Variants in MRPL43 observed in about 807,000 individuals in gnomAD.
The protein encoded by MRPL43 is mitochondrial ribosomal protein L43, also known as large ribosomal subunit protein mL43.
A neutral mutation model predicts 12.7 loss-of-function variants in MRPL43; 9 were observed. That is an observed-to-expected ratio of 0.71 (90% CI 0.43 to 1.24). MRPL43 has a LOEUF of 1.24. MRPL43 is among the 50% of genes most tolerant of loss of function. The pLI is 0.00. For synonymous variants in MRPL43, 116 were observed against 96.4 expected (o/e 1.20, Z -1.19); for missense variants, 211 against 229.2 (o/e 0.92, Z 0.51).
downstream of MRPL43, chr10:100,978,386 T>C: frequency 3.7e-6 from 6 of 1,612,754 alleles, no homozygotes; most frequent in East Asian, 2.2e-5. Context: ...GGCCTCATCA[T>C]TGGTGAGCAG....
downstream of MRPL43, chr10:100,981,644 C>A (rs1851081556): frequency 1.4e-6 from 2 of 1,395,854 alleles, no homozygotes. Context: ...ATGTCATCTA[C>A]TGTCACAGCA....
At chr10:100,978,328 G>C, downstream of MRPL43, 2 of 1,613,662 alleles carry the variant, frequency 1.2e-6, no homozygotes, top group Non-Finnish European at 1.7e-6. Context: ...AACCAGCTTC[G>C]AGGAGGGGAA....
At chr10:100,979,933 G>A, downstream of MRPL43, 2 of 1,614,156 alleles carry the variant, frequency 1.2e-6, no homozygotes, top group Non-Finnish European at 1.7e-6. Flanking sequence ...GGAATACCAG[G>A]ATGGTTCCCG....
chr10:100,982,563 G>A (rs530307196), downstream of MRPL43, among the ~76,000 whole-genome samples: 2 of 152,320 alleles, frequency 1.3e-5, no homozygotes, highest in South Asian at 2.1e-4. Context: ...AGGCCAAGGC[G>A]AGTGGATCAC....
downstream of MRPL43, among the ~76,000 whole-genome samples, chr10:100,981,815 C>T (rs1482970392): frequency 6.6e-6 from 1 of 152,040 alleles, no homozygotes; most frequent in South Asian, 2.1e-4. Flanking sequence ...CCCAGCACTT[C>T]GGGAGGCTGA....
chr10:100,978,779 G>A, downstream of MRPL43: 3 of 1,579,764 alleles, frequency 1.9e-6, no homozygotes, highest in Non-Finnish European at 1.7e-6. Flanking sequence ...CAAGTGAGGG[G>A]TCAGCCTCAG....
At chr10:100,978,890 G>C (rs759573797), downstream of MRPL43, 1 of 1,614,202 alleles carries the variant, frequency 6.2e-7, no homozygotes, top group Non-Finnish European at 8.5e-7. Context: ...GGAGAGCAAG[G>C]CCAGTGCAGT....
In MRPL43 at chr10:100,986,803, C is replaced by G. The variant is rs1205221524; in HGVS notation, c.411G>C (p.Pro137=). 6.2e-7 allele frequency: 1 copy of G among 1,613,852 alleles called. No homozygotes were observed. The part of the protein sequence containing the change: ...QGQWHPFTNK[P]TTFRGLRPRE... ...GGGGGCGTAGCCCGCGGAACGTGGT[C>G]GGCTTGTTGGTGAAGGGGTGCCACT... The change falls in exon 3 of 3, where the codon CCG becomes CCC. Residue 137 remains proline (P), a synonymous_variant. Transcript: ENST00000318364.
chr10:100,981,439 G>A (rs1192183285), downstream of MRPL43: 3 of 1,613,992 alleles, frequency 1.9e-6, no homozygotes, highest in Admixed American at 1.7e-5. Context: ...TTTAAGATGT[G>A]AAGTGTCTTG....
chr10:100,984,466 C>T (rs767847442), downstream of MRPL43: 11 of 1,527,328 alleles, frequency 7.2e-6, no homozygotes, highest in South Asian at 1.3e-4. Context: ...ATTCATCTGC[C>T]CAAACCCTTT....
At position 100,986,280 on chromosome 10, in the gene MRPL43, C is replaced by G; in HGVS notation, c.*454G>C. 7.3e-7 allele frequency: 1 copy of G among 1,365,528 alleles called. No homozygotes were observed. The highest frequency in any genetic ancestry group is 3.5e-5 in the Admixed American group (1 of 28,534). The allele number at this position is 1,365,528 out of a possible 1,614,324, so 84.6% of individuals were successfully genotyped here. A position where few individuals can be genotyped will look rare whatever the true frequency, so the allele number is the denominator to read the frequency against. On this transcript the variant is annotated 3_prime_UTR_variant, in exon 3 of 3. Transcript: ENST00000318364. ...TTTGAAGACAGACCTGAAATGTGAC[C>G]TTGGATAAGTTTATTAACCTGTTTT...
downstream of MRPL43, chr10:100,980,117 G>A (rs769312863): frequency 8.1e-6 from 13 of 1,613,978 alleles, no homozygotes; most frequent in East Asian, 1.1e-4. Context: ...CGTCCCCCAC[G>A]CCAGTGTATC....
At chr10:100,980,745 A>G (rs1268992149), downstream of MRPL43, 1 of 1,605,696 alleles carries the variant, frequency 6.2e-7, no homozygotes, top group South Asian at 1.1e-5. Context: ...AGGAAGAGGG[A>G]GTGGGGAGGT....
chr10:100,983,823 G>A (rs774176474), downstream of MRPL43: 6 of 1,600,664 alleles, frequency 3.7e-6, no homozygotes, highest in South Asian at 3.4e-5. Context: ...GTGTCCTGGA[G>A]AGGAAGATGA....
downstream of MRPL43, chr10:100,984,185 G>T: frequency 6.5e-7 from 1 of 1,546,848 alleles, no homozygotes. Context: ...GTCCCAGGCT[G>T]GGCCACTGCC....
downstream of MRPL43, chr10:100,984,955 A>C: frequency 7.1e-7 from 1 of 1,415,248 alleles, no homozygotes. Context: ...CCTGTATCAC[A>C]CATGTGCTTA....
downstream of MRPL43, chr10:100,979,283 G>T (rs368653189): frequency 6.2e-7 from 1 of 1,614,072 alleles, no homozygotes; most frequent in African/African-American, 1.3e-5. Flanking sequence ...TCAGTGCAGG[G>T]ACAATCGGGA....
chr10:100,978,340 G>A (rs752480989), downstream of MRPL43: 7 of 1,613,740 alleles, frequency 4.3e-6, no homozygotes, highest in South Asian at 6.6e-5. Flanking sequence ...GGAGGGGAAG[G>A]AGAAGTGTCC....
chr10:100,982,076 A>AC (rs1454507117), downstream of MRPL43, among the ~76,000 whole-genome samples: 1 of 150,438 alleles, frequency 6.6e-6, no homozygotes, highest in African/African-American at 2.5e-5. Context: ...AAAAAAAAAA[A>AC]AGAAAGAAAA....
Sources: gnomAD v4.1 joint callset for allele counts (sites outside exome capture counted in the v4.1 genomes callset) on GRCh38, gnomAD v4.1.1 for gene constraint, MANE v1.5 for transcripts, NCBI Gene and HGNC (gene_info 2026-07-23, HGNC 2026-07-21) for gene names.